Variants in GALNTL6 observed in about 807,000 individuals in gnomAD.
GALNTL6 encodes polypeptide N-acetylgalactosaminyltransferase-like 6.
In GALNTL6, 46 loss-of-function variants were observed where a neutral mutation model predicts 73.7. The observed-to-expected ratio is 0.62, with a 90% CI of 0.49 to 0.80. The LOEUF is 0.80. Among genes scored for constraint, GALNTL6 ranks in the 30% least tolerant of loss-of-function variants. The probability of loss-of-function intolerance (pLI) is 0.00; values close to 1 mark genes in which losing one functional copy is unlikely to be tolerated. For synonymous variants in GALNTL6, 259 were observed against 263.7 expected, an observed-to-expected ratio of 0.98 and a Z score of 0.17; for missense variants, 604 against 755.0, an observed-to-expected ratio of 0.80 and a Z score of 2.34.
chr4:172,529,624 C>T (rs1054922455), intron 5 of GALNTL6, among the ~76,000 whole-genome samples: 1 of 151,948 alleles, frequency 6.6e-6, no homozygotes, highest in African/African-American at 2.4e-5. Context: ...TGTATTATAT[C>T]TGCAGGAAGA....
chr4:172,943,783 T>C (rs947151266), intron 9 of GALNTL6, among the ~76,000 whole-genome samples: 1 of 152,204 alleles, frequency 6.6e-6, no homozygotes, highest in Non-Finnish European at 1.5e-5. Context: ...CACAACCTGA[T>C]TGATATATGC....
intron 2 of GALNTL6, among the ~76,000 whole-genome samples, chr4:172,191,249 A>G (rs115164050): frequency 1.4e-3 from 219 of 152,302 alleles, no homozygotes; most frequent in African/African-American, 5.1e-3. Context: ...TCAAACACCT[A>G]TGTCATCCAT....
At chr4:172,820,137 C>G (rs1437213959) in intron 7 of GALNTL6, among the ~76,000 whole-genome samples, 3 of 152,206 alleles carry the variant, frequency 2.0e-5, no homozygotes, top group African/African-American at 7.2e-5. Context: ...AGCCTCTGTT[C>G]ATAAAGCCGT....
intron 5 of GALNTL6, among the ~76,000 whole-genome samples, chr4:172,515,129 A>G (rs1734558206): frequency 6.6e-6 from 1 of 152,240 alleles, no homozygotes; most frequent in South Asian, 2.1e-4. Flanking sequence ...GTAGATGTAC[A>G]AAGTTGTAAT....
At chr4:172,481,452 T>C (rs576700822) in intron 5 of GALNTL6, among the ~76,000 whole-genome samples, 2 of 151,354 alleles carry the variant, frequency 1.3e-5, no homozygotes, top group South Asian at 4.2e-4. Context: ...GGCAGCCTGC[T>C]TTTAGTCCCT....
chr4:172,393,848 A>G (rs909896096), intron 5 of GALNTL6, among the ~76,000 whole-genome samples: 1 of 152,190 alleles, frequency 6.6e-6, no homozygotes, highest in African/African-American at 2.4e-5. Context: ...AATTCAAAAA[A>G]TGGTGTCGAT....
chr4:172,704,452 C>T (rs931581991), intron 5 of GALNTL6, among the ~76,000 whole-genome samples: 17 of 151,676 alleles, frequency 1.1e-4, no homozygotes, highest in Admixed American at 6.6e-4. Flanking sequence ...TCTTCATGAA[C>T]CCTTTGATTG....
At chr4:172,778,327 T>G (rs1739182827) in intron 5 of GALNTL6, among the ~76,000 whole-genome samples, 1 of 152,218 alleles carries the variant, frequency 6.6e-6, no homozygotes, top group Non-Finnish European at 1.5e-5. Flanking sequence ...TTATCCCACC[T>G]GCCATAAGTG....
intron 5 of GALNTL6, among the ~76,000 whole-genome samples, chr4:172,369,514 G>A (rs543358144): frequency 2.0e-5 from 3 of 152,302 alleles, no homozygotes; most frequent in South Asian, 2.1e-4. Context: ...TGGGCGCCGC[G>A]GAGCAGGGGG....
chr4:172,718,190 A>T (rs1579387441), intron 5 of GALNTL6, among the ~76,000 whole-genome samples: 2 of 152,326 alleles, frequency 1.3e-5, no homozygotes, highest in South Asian at 4.1e-4. Flanking sequence ...AGAAGAATCT[A>T]CTTCATCGTT....
Position 172,598,717 on chromosome 4 carries a change from A to G in GALNTL6, c.554-210644A>G, listed in dbSNP as rs964893830. Among the ~76,000 whole-genome samples, 4 of 152,194 alleles carry G rather than the reference A, an allele frequency of 2.6e-5. 1 individual carries two copies. In the South Asian group the frequency reaches 8.3e-4, roughly 31 times the overall value. ...AACAAATTCTTTTTGAAACAGTCAG[A>G]AATGTTATGATATTTCTTCTCCTTG... On this transcript the variant is annotated intron_variant, in intron 5 of 12. Transcript: ENST00000506823.
intron 2 of GALNTL6, among the ~76,000 whole-genome samples, chr4:172,204,001 C>T (rs1339839771): frequency 6.6e-6 from 1 of 152,150 alleles, no homozygotes; most frequent in Non-Finnish European, 1.5e-5. Context: ...CCACCTCAAC[C>T]TCCCAAAGTG....
At chr4:172,900,389 T>C (rs960628113) in intron 8 of GALNTL6, among the ~76,000 whole-genome samples, 1 of 152,194 alleles carries the variant, frequency 6.6e-6, no homozygotes. Context: ...GACATCCAAA[T>C]TATATCTACC....
At chr4:172,159,742 G>C (rs1270606025) in intron 2 of GALNTL6, among the ~76,000 whole-genome samples, 1 of 152,150 alleles carries the variant, frequency 6.6e-6, no homozygotes, top group Non-Finnish European at 1.5e-5. Flanking sequence ...TAAAGTCAAA[G>C]GCCAGATGCT....
intron 5 of GALNTL6, among the ~76,000 whole-genome samples, chr4:172,730,063 A>T (rs928264512): frequency 2.0e-5 from 3 of 152,088 alleles, no homozygotes; most frequent in African/African-American, 7.2e-5. Flanking sequence ...AATGCTACTG[A>T]TTTTTATATG....
chr4:172,284,508 C>T (rs1739180655), intron 3 of GALNTL6, among the ~76,000 whole-genome samples: 1 of 152,012 alleles, frequency 6.6e-6, no homozygotes, highest in South Asian at 2.1e-4. Flanking sequence ...CATTTACCCA[C>T]TGTTGTTTTT....
intron 2 of GALNTL6, among the ~76,000 whole-genome samples, chr4:172,019,373 T>C (rs1394491319): frequency 2.0e-5 from 3 of 151,964 alleles, no homozygotes; most frequent in East Asian, 3.9e-4. Flanking sequence ...GATCTCCTTA[T>C]AGATGAATGG....
At chr4:173,017,971 C>A (rs1169424818) in intron 11 of GALNTL6, among the ~76,000 whole-genome samples, 1 of 152,198 alleles carries the variant, frequency 6.6e-6, no homozygotes, top group Non-Finnish European at 1.5e-5. Context: ...GCAAGACACT[C>A]ATTTTCTGCA....
intron 3 of GALNTL6, among the ~76,000 whole-genome samples, chr4:172,297,825 G>A (rs1739741206): frequency 1.3e-5 from 2 of 151,952 alleles, no homozygotes. Flanking sequence ...GGATTGACTT[G>A]GCAATGTGGG....
Sources: gnomAD v4.1 joint callset for allele counts (sites outside exome capture counted in the v4.1 genomes callset) on GRCh38, gnomAD v4.1.1 for gene constraint, MANE v1.5 for transcripts, NCBI Gene and HGNC (gene_info 2026-07-23, HGNC 2026-07-21) for gene names.